Variants in CMIP observed in about 807,000 individuals in gnomAD.
CMIP encodes the protein C-Maf-inducing protein.
Under a neutral mutation model 97.3 loss-of-function variants are expected in CMIP, and 13 were observed. The ratio of observed to expected loss-of-function variants is 0.13; its 90% CI spans 0.09 to 0.21. The LOEUF is 0.21. Among genes scored for constraint, CMIP ranks in the 10% least tolerant of loss-of-function variants. CMIP has a pLI of 1.00. For missense variants in CMIP, 847 were observed against 1,024.9 expected (o/e 0.83, Z 2.37); for synonymous variants, 538 against 436.3 (o/e 1.23, Z -2.91).
At chr16:81,608,128 C>T (rs1353464477) in intron 2 of CMIP, among the ~76,000 whole-genome samples, 1 of 152,070 alleles carries the variant, frequency 6.6e-6, no homozygotes, top group Non-Finnish European at 1.5e-5. Context: ...TCTTTTGAGG[C>T]TGATAGAAGT....
chr16:81,445,183 C>T lies in CMIP; in HGVS notation c.-59C>T. Reference sequence around the variant, plus strand: ...GCCGCCGGATCCGGGGGCCCCGCCGCCCCAGCAGCCCAGGACAGCCCCCTC... The same window carrying T: ...GCCGCCGGATCCGGGGGCCCCGCCGTCCCAGCAGCCCAGGACAGCCCCCTC... On this transcript the variant is annotated 5_prime_UTR_variant, in exon 1 of 21. Coordinates refer to ENST00000537098, the MANE Select transcript of CMIP (RefSeq NM_198390.3). The T allele has an allele frequency of 1.7e-6, 2 of 1,156,958 alleles. No homozygotes were observed. Among genetic ancestry groups the T allele is most frequent in the Admixed American group, 4.1e-5 (1 of 24,354 alleles). 71.7% of individuals were successfully genotyped at this position (1,156,958 alleles called of 1,614,324 possible).
intron 3 of CMIP, among the ~76,000 whole-genome samples, chr16:81,636,909 G>A (rs963445961): frequency 6.8e-6 from 1 of 147,992 alleles, no homozygotes; most frequent in Non-Finnish European, 1.5e-5. Context: ...CATAGATTAT[G>A]CATGTATTTG....
intron 4 of CMIP, 44 bp from the exon 5 acceptor site, chr16:81,657,726 ATTTTC>A: frequency 1.4e-6 from 2 of 1,477,486 alleles, no homozygotes; most frequent in South Asian, 1.3e-5. Flanking sequence ...CGTTTTCTTA[ATTTTC>A]TTTTGTTTTG....
intron 1 of CMIP, among the ~76,000 whole-genome samples, chr16:81,552,628 A>G (rs1042263576): frequency 6.6e-6 from 1 of 152,072 alleles, no homozygotes; most frequent in African/African-American, 2.4e-5. Context: ...CAACTCGACA[A>G]TCTGGGAGAA....
At chr16:81,557,251 A>G (rs1472691849) in intron 1 of CMIP, among the ~76,000 whole-genome samples, 1 of 152,246 alleles carries the variant, frequency 6.6e-6, no homozygotes, top group Non-Finnish European at 1.5e-5. Context: ...CATGAAGGCC[A>G]AGGCCATGTC....
intron 2 of CMIP, chr16:81,619,485 G>A (rs188425147): frequency 9.2e-5 from 14 of 152,402 alleles, no homozygotes; most frequent in Non-Finnish European, 1.6e-4. Flanking sequence ...GTGTGTGCGC[G>A]TTTGTGTGCC....
In CMIP at chr16:81,709,886, C is replaced by A; in HGVS notation, c.*87C>A. On this transcript the variant is annotated 3_prime_UTR_variant, in exon 21 of 21. Transcript: ENST00000537098. ...CCGCAGAGCAGCCGGTCCTGGGGTC[C>A]CACCCTGGTGCCCTGGCTGTGAGAT... The A allele has an allele frequency of 7.1e-7, 1 of 1,414,120 alleles. No homozygotes were observed. The highest frequency in any genetic ancestry group is 9.8e-7 in the Non-Finnish European group (1 of 1,023,032). The allele number at this position is 1,414,120 out of a possible 1,614,324, so 87.6% of individuals were successfully genotyped here.
chr16:81,620,649 CGGT>C, intron 2 of CMIP: 1 of 513,328 alleles, frequency 1.9e-6, no homozygotes, highest in Non-Finnish European at 3.5e-6. Flanking sequence ...AGGAAGCACA[CGGT>C]GCTAGTGATG....
chr16:81,620,705 G>A lies in CMIP; in HGVS notation c.427-171G>A, dbSNP rs1597155901. ...CCTCCCTGACCAGCCCTTCTGTTTT[G>A]GTTTTGCACACAACAGGCTCAGCTT... On this transcript the variant is annotated intron_variant, in intron 2 of 20. Coordinates refer to ENST00000537098, the MANE Select transcript of CMIP (RefSeq NM_198390.3). The A allele has an allele frequency of 7.6e-6, 5 of 656,258 alleles. No homozygotes were observed. The South Asian group carries it at 9.8e-5, about 13-fold the overall frequency. The allele number at this position is 656,258 out of a possible 1,614,324, so 40.7% of individuals were successfully genotyped here.
chr16:81,515,495 A>ACTATTG (rs2089895083), intron 1 of CMIP, among the ~76,000 whole-genome samples: 1 of 152,048 alleles, frequency 6.6e-6, no homozygotes, highest in Non-Finnish European at 1.5e-5. Flanking sequence ...CTATTGATTT[A>ACTATTG]CTATTGAGTG....
chr16:81,645,218 G>A (rs1162993180), intron 3 of CMIP: 2 of 408,828 alleles, frequency 4.9e-6, no homozygotes, highest in Non-Finnish European at 8.1e-6. Context: ...ACCTGCACTG[G>A]AAAAAGTTTT....
At chr16:81,708,148 G>A (rs1332159372) in intron 20 of CMIP, among the ~76,000 whole-genome samples, 1 of 152,266 alleles carries the variant, frequency 6.6e-6, no homozygotes, top group Non-Finnish European at 1.5e-5. Flanking sequence ...CGGGCAGAGG[G>A]CCTGGTGGGG....
intron 15 of CMIP, among the ~76,000 whole-genome samples, 177 bp from the exon 16 acceptor site, chr16:81,701,483 C>G (rs1597271625): frequency 6.6e-6 from 1 of 152,302 alleles, no homozygotes; most frequent in East Asian, 1.9e-4. Context: ...GTCACTGGTG[C>G]TACCATTGTA....
rs569094743 is a variant in CMIP, at chr16:81,524,725, A to C, written c.300+79184A>C. 1.8e-3 allele frequency among the ~76,000 whole-genome samples: 280 copies of C among 152,166 alleles called. 1 individual carries two copies. The highest frequency in any genetic ancestry group is 2.9e-3 in the Admixed American group (44 of 15,306). On this transcript the variant is annotated intron_variant, in intron 1 of 20. Coordinates refer to ENST00000537098, the MANE Select transcript of CMIP (RefSeq NM_198390.3). The stretch of plus-strand genomic sequence containing the variant: ...GCGACTCAGCTGTCAGTCACAAGTG[A>C]GGCTGTTCCTATTCTTGACAGTAAC...
chr16:81,707,112 C>T, intron 20 of CMIP, 28 bp downstream of exon 20: 2 of 1,593,184 alleles, frequency 1.3e-6, no homozygotes, highest in South Asian at 1.1e-5. Flanking sequence ...CCCCACTCTC[C>T]TCCCCTCCTT....
chr16:81,654,041 G>A (rs369068937), intron 4 of CMIP, among the ~76,000 whole-genome samples: 3 of 152,156 alleles, frequency 2.0e-5, no homozygotes, highest in African/African-American at 4.8e-5. Flanking sequence ...GTTGCCAAGC[G>A]CTTTTGAGAC....
intron 1 of CMIP, among the ~76,000 whole-genome samples, chr16:81,605,518 G>A (rs1011808391): frequency 6.6e-6 from 1 of 152,046 alleles, no homozygotes; most frequent in African/African-American, 2.4e-5. Flanking sequence ...CAAACCCCTG[G>A]GAGGAATCCC....
chr16:81,580,810 CAA>C (rs1030133287), intron 1 of CMIP, among the ~76,000 whole-genome samples: 1 of 152,082 alleles, frequency 6.6e-6, no homozygotes, highest in African/African-American at 2.4e-5. Flanking sequence ...AACAAACAAA[CAA>C]GAGCATAGTT....
intron 1 of CMIP, among the ~76,000 whole-genome samples, chr16:81,528,327 A>G (rs1480879430): frequency 6.6e-6 from 1 of 151,582 alleles, no homozygotes. Flanking sequence ...TCCTCCTATG[A>G]CCCTGTGGCT....
Sources: gnomAD v4.1 joint callset for allele counts (sites outside exome capture counted in the v4.1 genomes callset) on GRCh38, gnomAD v4.1.1 for gene constraint, MANE v1.5 for transcripts, NCBI Gene and HGNC (gene_info 2026-07-23, HGNC 2026-07-21) for gene names.